The following GBE1 variants were observed in gnomAD, a reference collection of about 807,000 sequenced individuals.
GBE1 encodes 1,4-alpha-glucan branching enzyme 1, also known as 1,4-alpha-glucan-branching enzyme.
Under a neutral mutation model 88.8 loss-of-function variants are expected in GBE1, and 70 were observed. That is an observed-to-expected ratio of 0.79 (90% CI 0.65 to 0.96). GBE1 has a LOEUF of 0.96. Among genes scored for constraint, GBE1 ranks in the 40% least tolerant of loss-of-function variants. GBE1 has a pLI of 0.00. For missense variants in GBE1, 872 were observed against 871.0 expected (o/e 1.00, Z -0.01); for synonymous variants, 284 against 300.1 (o/e 0.95, Z 0.56).
chr3:81,539,627 T>C (rs1197210675), intron 12 of GBE1, among the ~76,000 whole-genome samples: 1 of 152,030 alleles, frequency 6.6e-6, no homozygotes, highest in Non-Finnish European at 1.5e-5. Flanking sequence ...GAATGATCGA[T>C]TCAAATGGCA....
At chr3:81,712,258 T>A (rs1426513288) in intron 1 of GBE1, among the ~76,000 whole-genome samples, 1 of 152,150 alleles carries the variant, frequency 6.6e-6, no homozygotes, top group Non-Finnish European at 1.5e-5. Context: ...TCCCCAAGGA[T>A]CTAGAACTAG....
At chr3:81,531,026 C>A (rs1051585413) in intron 14 of GBE1, among the ~76,000 whole-genome samples, 1 of 151,534 alleles carries the variant, frequency 6.6e-6, no homozygotes, top group Non-Finnish European at 1.5e-5. Context: ...GAGGTGGCAC[C>A]CACATTGCAA....
intron 7 of GBE1, among the ~76,000 whole-genome samples, chr3:81,617,845 A>G (rs1483175670): frequency 6.6e-6 from 1 of 151,936 alleles, no homozygotes; most frequent in Non-Finnish European, 1.5e-5. Context: ...ACACATGTAC[A>G]TGTAGGTTTT....
At chr3:81,579,610 C>T (rs1361266887) in intron 11 of GBE1, among the ~76,000 whole-genome samples, 20 of 152,058 alleles carry the variant, frequency 1.3e-4, no homozygotes, top group Admixed American at 1.2e-3. Flanking sequence ...ATAATTTATG[C>T]ATATATTTTA....
At chr3:81,594,405 T>C (rs1703926073) in intron 7 of GBE1, among the ~76,000 whole-genome samples, 1 of 152,096 alleles carries the variant, frequency 6.6e-6, no homozygotes, top group Admixed American at 6.6e-5. Context: ...TACCAGTCCC[T>C]GAATTTTTAA....
chr3:81,709,408 A>G (rs1705823030), intron 1 of GBE1, among the ~76,000 whole-genome samples: 1 of 96,328 alleles, frequency 1.0e-5, no homozygotes, highest in Non-Finnish European at 1.9e-5. Context: ...AAGTAATAAC[A>G]GGCAATAAAA....
chr3:81,689,895 G>T (rs1466687154), intron 2 of GBE1, among the ~76,000 whole-genome samples: 1 of 152,144 alleles, frequency 6.6e-6, no homozygotes, highest in African/African-American at 2.4e-5. Context: ...CACACCAGCG[G>T]GGATTCTAGC....
chr3:81,623,617 G>C (rs139911582), intron 7 of GBE1, among the ~76,000 whole-genome samples: 23 of 152,212 alleles, frequency 1.5e-4, no homozygotes, highest in Non-Finnish European at 2.8e-4. Flanking sequence ...TGTTAAATTA[G>C]TTAATTTAGC....
chr3:81,640,554 TCAC>T (rs1704660214), intron 7 of GBE1, among the ~76,000 whole-genome samples: 2 of 152,010 alleles, frequency 1.3e-5, no homozygotes, highest in South Asian at 4.2e-4. Flanking sequence ...TTGTGGGAAT[TCAC>T]CTTGTGATCC....
chr3:81,505,297 G>C (rs1017091779), intron 14 of GBE1, among the ~76,000 whole-genome samples: 3 of 152,154 alleles, frequency 2.0e-5, no homozygotes. Flanking sequence ...AAAATATCAG[G>C]TTCAAAATTC....
intron 1 of GBE1, among the ~76,000 whole-genome samples, chr3:81,758,815 G>C (rs898877676): frequency 1.3e-5 from 2 of 152,188 alleles, no homozygotes; most frequent in African/African-American, 2.4e-5. Context: ...CACAGGTACA[G>C]AAGGTGAAAA....
At chr3:81,736,658 T>G (rs933584875) in intron 1 of GBE1, among the ~76,000 whole-genome samples, 2 of 152,184 alleles carry the variant, frequency 1.3e-5, no homozygotes, top group African/African-American at 4.8e-5. Flanking sequence ...ACTAAGAGAA[T>G]AGTATCCCTT....
At chr3:81,665,821 G>A (rs369515582) in intron 3 of GBE1, among the ~76,000 whole-genome samples, 8 of 152,146 alleles carry the variant, frequency 5.3e-5, no homozygotes, top group African/African-American at 1.9e-4. Flanking sequence ...AAGCAGGGAG[G>A]GTAGAAAATG....
At chr3:81,649,553 A>G (rs891084207) in intron 4 of GBE1, among the ~76,000 whole-genome samples, 4 of 152,222 alleles carry the variant, frequency 2.6e-5, no homozygotes, top group Middle Eastern at 6.8e-3. Flanking sequence ...GTATATAGCA[A>G]TTTAGTATTC....
Position 81,535,941 on chromosome 3 carries a change from G to A in GBE1, c.1804-616C>T, listed in dbSNP as rs150525016. On this transcript the variant is annotated intron_variant, in intron 13 of 15. Transcript: ENST00000429644. ...ATGTATTTACAGTTGGCTGTGAAAA[G>A]CCTTGGCTTTTTCAACACCACCCTC... 9.2e-3 allele frequency among the ~76,000 whole-genome samples: 1,391 copies of A among 151,926 alleles called. 14 individuals carry two copies. The highest frequency in any genetic ancestry group is 0.031 in the Middle Eastern group (9 of 294).
chr3:81,541,283 TAC>T (rs1703139537), intron 12 of GBE1, among the ~76,000 whole-genome samples: 1 of 151,120 alleles, frequency 6.6e-6, no homozygotes, highest in African/African-American at 2.4e-5. Flanking sequence ...GGAAAACACA[TAC>T]ACACACACAC....
chr3:81,665,365 C>G (rs1321003462), intron 3 of GBE1, among the ~76,000 whole-genome samples: 2 of 151,610 alleles, frequency 1.3e-5, no homozygotes, highest in East Asian at 3.9e-4. Context: ...AACCCCGTCT[C>G]TACTAAAAAT....
chr3:81,596,714 G>T (rs1703961194), intron 7 of GBE1, among the ~76,000 whole-genome samples: 1 of 151,838 alleles, frequency 6.6e-6, no homozygotes, highest in African/African-American at 2.4e-5. Flanking sequence ...TCAAAATCAA[G>T]TGGAAGATTC....
At chr3:81,722,896 G>GTATATATATATATA (rs553712949) in intron 1 of GBE1, among the ~76,000 whole-genome samples, 2 of 135,318 alleles carry the variant, frequency 1.5e-5, no homozygotes, top group East Asian at 2.4e-4. Flanking sequence ...GTGTGTGTGT[G>GTATATATATATATA]TATATATATA....
Sources: gnomAD v4.1 joint callset for allele counts (sites outside exome capture counted in the v4.1 genomes callset) on GRCh38, gnomAD v4.1.1 for gene constraint, MANE v1.5 for transcripts, NCBI Gene and HGNC (gene_info 2026-07-23, HGNC 2026-07-21) for gene names.